ADAM10: variants seen among roughly 807,000 people sequenced by gnomAD.
The protein encoded by ADAM10 is ADAM metallopeptidase domain 10.
A neutral mutation model predicts 90.1 loss-of-function variants in ADAM10; 17 were observed. That is an observed-to-expected ratio of 0.19 (90% CI 0.13 to 0.28). The LOEUF (loss-of-function observed/expected upper bound fraction) is 0.28. Among genes scored for constraint, ADAM10 ranks in the 10% least tolerant of loss-of-function variants. The pLI is 1.00. For synonymous variants in ADAM10, 310 were observed against 298.6 expected (o/e 1.04, Z -0.40); for missense variants, 610 against 914.3 (o/e 0.67, Z 4.29).
chr15:58,666,925 T>C (rs1337171709), intron 4 of ADAM10, among the ~76,000 whole-genome samples: 4 of 152,172 alleles, frequency 2.6e-5, no homozygotes, highest in African/African-American at 4.8e-5. Context: ...ATTTTTCCCA[T>C]ATACTTTCAA....
intron 2 of ADAM10, among the ~76,000 whole-genome samples, chr15:58,685,057 T>C (rs1897550004): frequency 6.6e-6 from 1 of 151,602 alleles, no homozygotes; most frequent in South Asian, 2.1e-4. Context: ...TGGTACATAA[T>C]CGTATTTATG....
intron 1 of ADAM10, among the ~76,000 whole-genome samples, chr15:58,735,968 C>T (rs984837532): frequency 1.3e-4 from 20 of 152,210 alleles, no homozygotes; most frequent in East Asian, 7.7e-4. Context: ...AAATAAAATA[C>T]ATTTAACCTA....
chr15:58,702,816 G>C (rs1410624374), intron 2 of ADAM10, among the ~76,000 whole-genome samples: 1 of 152,082 alleles, frequency 6.6e-6, no homozygotes, highest in South Asian at 2.1e-4. Context: ...AAACATACAT[G>C]AACAGAAGAA....
At chr15:58,741,989 T>C (rs537449509) in intron 1 of ADAM10, among the ~76,000 whole-genome samples, 82 of 152,198 alleles carry the variant, frequency 5.4e-4, no homozygotes, top group Non-Finnish European at 8.8e-4. Flanking sequence ...TCAGAAAGCC[T>C]TCCCCGCTTG....
chr15:58,721,682 C>G (rs187154716), intron 1 of ADAM10, among the ~76,000 whole-genome samples: 1 of 152,146 alleles, frequency 6.6e-6, no homozygotes, highest in East Asian at 1.9e-4. Flanking sequence ...TCCAGGAGTT[C>G]AAGACCAGCC....
chr15:58,622,553 AT>A (rs1218912274), intron 10 of ADAM10, among the ~76,000 whole-genome samples: 5 of 151,926 alleles, frequency 3.3e-5, no homozygotes, highest in African/African-American at 1.2e-4. Flanking sequence ...TCAGTAGGTA[AT>A]TTTTTTTATG....
chr15:58,638,285 C>T (rs1896322248), intron 8 of ADAM10, among the ~76,000 whole-genome samples: 1 of 152,074 alleles, frequency 6.6e-6, no homozygotes, highest in Admixed American at 6.5e-5. Flanking sequence ...CGGGAGTCTT[C>T]GTTTTCTATT....
In ADAM10 at chr15:58,647,246, G is replaced by GTTTTTTT. The variant is rs1323960397; in HGVS notation, c.586-1043_586-1042insAAAAAAA. The stretch of plus-strand genomic sequence containing the variant: ...CTTGGCAGCAAAGAGTAGACACTAA[G>GTTTTTTT]TATTTTTTTTTTTTTTTTTTTTTTT... On this transcript the variant is annotated intron_variant, in intron 5 of 15. Coordinates refer to ENST00000260408, the MANE Select transcript of ADAM10 (RefSeq NM_001110.4). 4.4e-3 allele frequency among the ~76,000 whole-genome samples: 163 copies of GTTTTTTT among 36,822 alleles called. 7 individuals carry two copies. The highest frequency in any genetic ancestry group is 0.034 in the Admixed American group (117 of 3,474). The allele number at this position is 36,822 out of a possible 152,430, so 24.2% of individuals were successfully genotyped here.
chr15:58,722,692 G>T (rs1224781852), intron 1 of ADAM10, among the ~76,000 whole-genome samples: 1 of 149,678 alleles, frequency 6.7e-6, no homozygotes, highest in Non-Finnish European at 1.5e-5. Flanking sequence ...CACCACCATG[G>T]AAACTGACAT....
chr15:58,618,402 C>A (rs759627280), intron 11 of ADAM10, among the ~76,000 whole-genome samples: 1 of 151,984 alleles, frequency 6.6e-6, no homozygotes, highest in Admixed American at 6.6e-5. Context: ...AGACCTGAAA[C>A]GATGAAACTA....
chr15:58,749,455 C>T, intron 1 of ADAM10, 25 bp downstream of exon 1: 3 of 1,526,698 alleles, frequency 2.0e-6, no homozygotes, highest in Non-Finnish European at 2.6e-6. Flanking sequence ...TCGCGGCGCC[C>T]CCGGCGCTCG....
chr15:58,709,768 C>A (rs1595643289), intron 2 of ADAM10, among the ~76,000 whole-genome samples: 2 of 151,992 alleles, frequency 1.3e-5, no homozygotes, highest in Admixed American at 6.6e-5. Context: ...AAAAAATACA[C>A]CACTAAATAA....
chr15:58,694,535 T>C (rs1414334760), intron 2 of ADAM10, among the ~76,000 whole-genome samples: 7 of 151,886 alleles, frequency 4.6e-5, no homozygotes, highest in Non-Finnish European at 1.0e-4. Flanking sequence ...GGAAACCCCA[T>C]CTAAAACAAA....
At chr15:58,647,278 T>TTTTTTTTTTA (rs1896576618) in intron 5 of ADAM10, among the ~76,000 whole-genome samples, 1 of 116,100 alleles carries the variant, frequency 8.6e-6, no homozygotes, top group African/African-American at 3.6e-5. Flanking sequence ...TTTTTTTTTT[T>TTTTTTTTTTA]GAGACAGAGT....
In ADAM10 at chr15:58,646,215, A is replaced by G; in HGVS notation, c.586-11T>C. ...TTCTTCTTGAGGTATCTATACATCA[A>G]AAAGTCATTTCTGACAATTAGTATG... On this transcript the variant is annotated splice_polypyrimidine_tract_variant and intron_variant, in intron 5 of 15. Coordinates refer to ENST00000260408, the MANE Select transcript of ADAM10 (RefSeq NM_001110.4). 1.2e-6 allele frequency: 2 copies of G among 1,610,716 alleles called. No individual in the cohort carries two copies. The highest frequency in any genetic ancestry group is 1.3e-5 in the African/African-American group (1 of 75,034).
chr15:58,636,130 A>G (rs903432888), intron 8 of ADAM10, among the ~76,000 whole-genome samples: 1 of 152,158 alleles, frequency 6.6e-6, no homozygotes, highest in Admixed American at 6.5e-5. Flanking sequence ...TACAAAAATT[A>G]GCCAGGCGAG....
intron 5 of ADAM10, among the ~76,000 whole-genome samples, chr15:58,655,669 CATACATACAT>C (rs1184706640): frequency 1.8e-5 from 2 of 110,740 alleles, no homozygotes; most frequent in African/African-American, 7.7e-5. Context: ...TACATACATA[CATACATACAT>C]ATATATATTA....
rs201580885 is a variant in ADAM10 at position 58,597,186 on chromosome 15, T to C, written c.*361A>G. 2 of 581,126 alleles carry C rather than the reference T, an allele frequency of 3.4e-6. No homozygotes were observed. The highest frequency in any genetic ancestry group is 1.9e-5 in the African/African-American group (1 of 53,630). The allele number at this position is 581,126 out of a possible 1,614,324, so 36.0% of individuals were successfully genotyped here. A position where few individuals can be genotyped will look rare whatever the true frequency, so the allele number is the denominator to read the frequency against. On this transcript the variant is annotated 3_prime_UTR_variant, in exon 16 of 16. Transcript: ENST00000260408. ...GATTGGCAGTTGAAAAAAATATATT[T>C]ATTTCAATTTGTGGTAAAAGTTTAT...
intron 2 of ADAM10, chr15:58,691,460 T>A (rs1346794435): frequency 3.1e-6 from 2 of 648,714 alleles, no homozygotes; most frequent in South Asian, 1.4e-5. Context: ...TGGACTTCTG[T>A]GCCTCCTTCA....
Sources: allele counts gnomAD v4.1 joint callset (sites outside exome capture counted in the v4.1 genomes callset), GRCh38; gene constraint gnomAD v4.1.1; transcripts MANE v1.5; gene names NCBI Gene and HGNC (gene_info 2026-07-23, HGNC 2026-07-21).